ATP6V0E1: variants seen among roughly 807,000 people sequenced by gnomAD.
ATP6V0E1 encodes V-type proton ATPase subunit e 1.
In ATP6V0E1, 4 loss-of-function variants were observed where a neutral mutation model predicts 11.6. The ratio of observed to expected loss-of-function variants is 0.35; its 90% confidence interval spans 0.17 to 0.79. The LOEUF (loss-of-function observed/expected upper bound fraction) is 0.79. Ranked by LOEUF, ATP6V0E1 falls within the 30% of genes least tolerant of loss-of-function variation. The pLI is 0.54. For missense variants in ATP6V0E1, 105 were observed against 100.0 expected (o/e 1.05, Z -0.21); for synonymous variants, 36 against 34.8 (o/e 1.04, Z -0.13).
intron 2 of ATP6V0E1, among the ~76,000 whole-genome samples, chr5:173,007,398 A>G (rs1756244752): frequency 6.6e-6 from 1 of 152,162 alleles, no homozygotes; most frequent in East Asian, 1.9e-4. Flanking sequence ...AGTTGGGACC[A>G]CTGTCAGCTC....
At chr5:173,033,028 C>G (rs546712466) in intron 3 of ATP6V0E1, among the ~76,000 whole-genome samples, 60 of 152,210 alleles carry the variant, frequency 3.9e-4, no homozygotes, top group Admixed American at 2.8e-3. Flanking sequence ...TCCAGAAGGT[C>G]GAGGCTGCAG....
chr5:172,983,960 C>G lies in ATP6V0E1; in HGVS notation c.100C>G (p.Arg34Gly). The G allele has an allele frequency of 1.2e-6, 2 of 1,612,474 alleles. No homozygotes were observed. The highest frequency in any genetic ancestry group is 1.7e-6 in the Non-Finnish European group (2 of 1,179,744). ...TTGGTTCATCCCTAAGGGTCCTAAC[C>G]GGGGGTAAGTGCGTGAGGCCCGCCT... The part of the protein sequence containing the change: ...VPWFIPKGPN[R>G]GVIITMLVTC... The change falls in exon 1 of 4, where the codon CGG (arginine) becomes GGG (glycine). Residue 34 changes from arginine to glycine, a missense_variant. By Grantham distance (125) the Arg-to-Gly change is moderately radical (BLOSUM62 -2). Transcript: ENST00000519374.
intron 3 of ATP6V0E1, 44 bp downstream of exon 3, chr5:173,020,411 C>A: frequency 8.2e-7 from 1 of 1,221,660 alleles, no homozygotes; most frequent in South Asian, 1.3e-5. Context: ...GTCAGGCAGT[C>A]AGAGTTTGCC....
Position 172,986,574 on chromosome 5 carries a change from G to C in ATP6V0E1, c.104+2610G>C, listed in dbSNP as rs371693817. The C allele has an allele frequency of 5.0e-5, 16 of 318,390 alleles. No homozygotes were observed. In the East Asian group the frequency reaches 5.5e-4, roughly 11 times the overall value. 19.7% of individuals were successfully genotyped at this position (318,390 alleles called of 1,614,324 possible). ...GACCAGGAGTTCCAGGATGCAGTAA[G>C]CTATGATCACACCACTGTACTCCAG... On this transcript the variant is annotated intron_variant, in intron 1 of 3. Transcript: ENST00000519374.
chr5:172,994,519 A>G (rs1284486122), intron 1 of ATP6V0E1, among the ~76,000 whole-genome samples: 1 of 152,172 alleles, frequency 6.6e-6, no homozygotes, highest in Non-Finnish European at 1.5e-5. Context: ...TCAGTTTCAG[A>G]TAAATTTGGA....
chr5:173,008,516 G>T (rs1189542124), intron 2 of ATP6V0E1, among the ~76,000 whole-genome samples: 1 of 150,010 alleles, frequency 6.7e-6, no homozygotes, highest in African/African-American at 2.4e-5. Flanking sequence ...TGCCAGCATG[G>T]TCTTGATCTC....
At chr5:172,994,992 C>T (rs1365894449) in intron 2 of ATP6V0E1, among the ~76,000 whole-genome samples, 170 bp downstream of exon 2, 1 of 152,154 alleles carries the variant, frequency 6.6e-6, no homozygotes, top group Non-Finnish European at 1.5e-5. Context: ...TGTACAGATA[C>T]TCTATCCTTC....
At chr5:173,008,274 T>C (rs1756259322) in intron 2 of ATP6V0E1, among the ~76,000 whole-genome samples, 1 of 150,674 alleles carries the variant, frequency 6.6e-6, no homozygotes, top group Non-Finnish European at 1.5e-5. Context: ...TAAGGGAGAG[T>C]CCTGTTCCTT....
intron 2 of ATP6V0E1, among the ~76,000 whole-genome samples, chr5:173,003,415 A>G (rs1414106837): frequency 1.3e-5 from 2 of 152,176 alleles, no homozygotes; most frequent in Admixed American, 6.5e-5. Flanking sequence ...GTCTGCTGAC[A>G]CTAAATAAGG....
chr5:173,022,092 G>A (rs1756495657), intron 3 of ATP6V0E1, among the ~76,000 whole-genome samples: 1 of 152,210 alleles, frequency 6.6e-6, no homozygotes, highest in Admixed American at 6.5e-5. Flanking sequence ...GGGTCAGAGA[G>A]GTTAGTAGTG....
intron 3 of ATP6V0E1, among the ~76,000 whole-genome samples, chr5:173,032,269 A>AT (rs1225254622): frequency 6.9e-6 from 1 of 145,948 alleles, no homozygotes; most frequent in Non-Finnish European, 1.5e-5. Context: ...TTATTTATTT[A>AT]TTTATTTATT....
intron 3 of ATP6V0E1, among the ~76,000 whole-genome samples, chr5:173,031,091 C>T (rs1756643621): frequency 6.6e-6 from 1 of 151,890 alleles, no homozygotes; most frequent in African/African-American, 2.4e-5. Context: ...ACTACAGGTG[C>T]CCGCCACCAT....
intron 2 of ATP6V0E1, among the ~76,000 whole-genome samples, chr5:173,009,610 G>A (rs898964185): frequency 4.8e-5 from 7 of 146,594 alleles, no homozygotes; most frequent in Middle Eastern, 3.6e-3. Flanking sequence ...GATTACAGGC[G>A]TGCACCACCA....
chr5:172,999,540 T>C (rs1756120880), intron 2 of ATP6V0E1, among the ~76,000 whole-genome samples: 1 of 152,252 alleles, frequency 6.6e-6, no homozygotes, highest in Non-Finnish European at 1.5e-5. Context: ...TTGCCCAGGC[T>C]AGTCTTGAAC....
At chr5:173,008,268 G>A (rs1360333097) in intron 2 of ATP6V0E1, among the ~76,000 whole-genome samples, 1 of 151,824 alleles carries the variant, frequency 6.6e-6, no homozygotes, top group Non-Finnish European at 1.5e-5. Context: ...TCTTTGTAAG[G>A]GAGAGTCCTG....
intron 2 of ATP6V0E1, among the ~76,000 whole-genome samples, 191 bp from the exon 3 acceptor site, chr5:173,020,047 T>C (rs184438049): frequency 1.6e-4 from 24 of 152,314 alleles, no homozygotes; most frequent in Admixed American, 4.6e-4. Context: ...TGTCTCAAGA[T>C]GAAGGCAGGC....
At chr5:173,005,831 AT>A (rs1399908921) in intron 2 of ATP6V0E1, among the ~76,000 whole-genome samples, 4 of 152,104 alleles carry the variant, frequency 2.6e-5, no homozygotes, top group Non-Finnish European at 5.9e-5. Flanking sequence ...ATATTTTCTA[AT>A]TTCTTTTGTA....
At chr5:172,994,904 C>G in intron 2 of ATP6V0E1, 82 bp downstream of exon 2, 2 of 1,084,982 alleles carry the variant, frequency 1.8e-6, no homozygotes, top group Non-Finnish European at 2.7e-6. Context: ...GAGCTCATCC[C>G]TCATGTAATA....
chr5:172,998,419 C>A (rs1034846151), intron 2 of ATP6V0E1, among the ~76,000 whole-genome samples: 1 of 151,712 alleles, frequency 6.6e-6, no homozygotes, highest in African/African-American at 2.4e-5. Flanking sequence ...CCAACCTAGC[C>A]AACATGGTGA....
Sources: allele counts gnomAD v4.1 joint callset (sites outside exome capture counted in the v4.1 genomes callset), GRCh38; gene constraint gnomAD v4.1.1; transcripts MANE v1.5; gene names NCBI Gene and HGNC (gene_info 2026-07-23, HGNC 2026-07-21).